SHQ1: variants seen among roughly 807,000 people sequenced by gnomAD.
SHQ1 encodes the protein SHQ1, H/ACA ribonucleoprotein assembly factor, also known as protein SHQ1 homolog.
In SHQ1, 49 loss-of-function variants were observed where a neutral mutation model predicts 53.8. That is an observed-to-expected ratio of 0.91 (90% CI 0.72 to 1.16). SHQ1 has a LOEUF of 1.16. SHQ1 is among the 50% of genes most tolerant of loss of function. The probability of loss-of-function intolerance (pLI) is 0.00; values close to 1 mark genes in which losing one functional copy is unlikely to be tolerated. For synonymous variants in SHQ1, 243 were observed against 251.0 expected (o/e 0.97, Z 0.30); for missense variants, 738 against 683.1 (o/e 1.08, Z -0.90).
In SHQ1 at chr3:72,792,940, T is replaced by G. The variant is rs759793149; in HGVS notation, c.1157A>C (p.Tyr386Ser). 6 of 1,610,374 alleles carry G rather than the reference T, an allele frequency of 3.7e-6. No homozygotes were observed. In the South Asian group the frequency reaches 5.5e-5, roughly 15 times the overall value. Residue 386 changes from tyrosine to serine, a missense_variant, in exon 10 of 11, where the codon TAC (tyrosine) becomes TCC (serine). Coordinates refer to ENST00000325599, the MANE Select transcript of SHQ1 (RefSeq NM_018130.3). ...CTTGACTTTCTGAATCCACACACAG[T>G]AGTCTGAGATGTAGAGATCATTCAG... ...YILNDLYISD[Y>S]CVWIQKVKSK...
intron 5 of SHQ1, among the ~76,000 whole-genome samples, chr3:72,827,946 G>A (rs1707710476): frequency 6.6e-6 from 1 of 151,530 alleles, no homozygotes; most frequent in Non-Finnish European, 1.5e-5. Flanking sequence ...TAGTAGAGAT[G>A]GGGTTTCACC....
At chr3:72,803,462 A>G (rs184454858) in intron 9 of SHQ1, among the ~76,000 whole-genome samples, 4 of 152,274 alleles carry the variant, frequency 2.6e-5, no homozygotes, top group East Asian at 3.9e-4. Flanking sequence ...TGAGCCAACT[A>G]TATCAGCTAA....
the SHQ1 span, among the ~76,000 whole-genome samples, chr3:72,729,319 C>G: frequency 0.013 from 1,924 of 152,276 alleles, 19 homozygotes; most frequent in Non-Finnish European, 0.02. Context: ...CCCTGCTGAG[C>G]TGATTATTCC....
chr3:72,775,244 C>G (rs1481315376), intron 10 of SHQ1, among the ~76,000 whole-genome samples: 1 of 151,108 alleles, frequency 6.6e-6, no homozygotes, highest in Non-Finnish European at 1.5e-5. Context: ...TAAAAGACAA[C>G]AATTACAGAT....
chr3:72,838,295 A>G (rs1708059623), intron 4 of SHQ1, among the ~76,000 whole-genome samples: 1 of 152,226 alleles, frequency 6.6e-6, no homozygotes, highest in Admixed American at 6.5e-5. Context: ...CCTGTACTAC[A>G]AGTAGTATAC....
At chr3:72,817,517 T>C (rs1559687220) in intron 6 of SHQ1, 133 bp from the exon 7 acceptor site, 1 of 804,338 alleles carries the variant, frequency 1.2e-6, no homozygotes, top group Non-Finnish European at 1.9e-6. Flanking sequence ...TATGGATATA[T>C]AAATAACTTA....
intron 10 of SHQ1, among the ~76,000 whole-genome samples, chr3:72,759,257 T>A (rs1705562756): frequency 6.6e-6 from 1 of 152,172 alleles, no homozygotes; most frequent in African/African-American, 2.4e-5. Flanking sequence ...TCACAGGGCA[T>A]CACTATAACA....
intron 10 of SHQ1, among the ~76,000 whole-genome samples, chr3:72,782,037 T>C (rs1706089409): frequency 6.6e-6 from 1 of 152,114 alleles, no homozygotes; most frequent in South Asian, 2.1e-4. Flanking sequence ...ATTATAAAAC[T>C]CTCCAGGAAA....
intron 4 of SHQ1, among the ~76,000 whole-genome samples, chr3:72,837,181 T>C (rs1034391146): frequency 1.3e-5 from 2 of 152,128 alleles, no homozygotes; most frequent in Non-Finnish European, 2.9e-5. Flanking sequence ...AAAGGCACCC[T>C]GGTGGCTGGC....
At chr3:72,762,706 G>A (rs150931316) in intron 10 of SHQ1, among the ~76,000 whole-genome samples, 6 of 151,998 alleles carry the variant, frequency 3.9e-5, no homozygotes, top group South Asian at 4.2e-4. Context: ...ACAGAGTCTC[G>A]CTCTGTCACC....
intron 5 of SHQ1, among the ~76,000 whole-genome samples, chr3:72,829,906 C>G (rs1707774116): frequency 6.6e-6 from 1 of 152,068 alleles, no homozygotes; most frequent in South Asian, 2.1e-4. Flanking sequence ...ACCAAACACT[C>G]TCAGCAAGAG....
intron 9 of SHQ1, among the ~76,000 whole-genome samples, chr3:72,805,581 G>A (rs1411274448): frequency 6.6e-6 from 1 of 152,006 alleles, no homozygotes; most frequent in Admixed American, 6.6e-5. Flanking sequence ...ATGTAACTAA[G>A]TTCTAGGGAT....
At chr3:72,789,081 T>TAAAAAAAAAAAAA (rs1205170855) in intron 10 of SHQ1, among the ~76,000 whole-genome samples, 2 of 61,664 alleles carry the variant, frequency 3.2e-5, no homozygotes, top group Non-Finnish European at 7.0e-5. Context: ...CAATAAACAC[T>TAAAAAAAAAAAAA]AAAAAAAAAA....
At chr3:72,804,574 A>G (rs1350518888) in intron 9 of SHQ1, among the ~76,000 whole-genome samples, 6 of 152,230 alleles carry the variant, frequency 3.9e-5, no homozygotes, top group Admixed American at 3.9e-4. Flanking sequence ...CAAGTCATAA[A>G]TATCCTTGTA....
the SHQ1 span, among the ~76,000 whole-genome samples, chr3:72,742,348 G>T: frequency 1.1e-4 from 16 of 151,990 alleles, no homozygotes; most frequent in African/African-American, 3.9e-4. Flanking sequence ...GAAAATCCTC[G>T]CTAATCAGAT....
chr3:72,796,205 T>G (rs986213975), intron 9 of SHQ1, among the ~76,000 whole-genome samples: 1 of 147,584 alleles, frequency 6.8e-6, no homozygotes. Flanking sequence ...AAAAGGAGAA[T>G]AAGCAGATGA....
chr3:72,773,121 C>G (rs1253721815), intron 10 of SHQ1: 1 of 767,354 alleles, frequency 1.3e-6, no homozygotes, highest in African/African-American at 1.7e-5. Context: ...AAATTGAGCT[C>G]AAAGTCATGA....
At chr3:72,806,479 A>G (rs1037206626) in intron 9 of SHQ1, among the ~76,000 whole-genome samples, 2 of 152,208 alleles carry the variant, frequency 1.3e-5, no homozygotes, top group Non-Finnish European at 2.9e-5. Context: ...TTAGAATAGG[A>G]GGAAGAAAAC....
the SHQ1 span, among the ~76,000 whole-genome samples, chr3:72,737,048 T>C: frequency 6.6e-6 from 1 of 151,940 alleles, no homozygotes; most frequent in Non-Finnish European, 1.5e-5. Context: ...GGTGGGTGGA[T>C]TGCCTAAGCT....
Sources: gnomAD v4.1 joint callset for allele counts (sites outside exome capture counted in the v4.1 genomes callset) on GRCh38, gnomAD v4.1.1 for gene constraint, MANE v1.5 for transcripts, NCBI Gene and HGNC (gene_info 2026-07-23, HGNC 2026-07-21) for gene names.